DCC: variants seen among roughly 807,000 people sequenced by gnomAD.
DCC encodes the protein DCC netrin 1 receptor.
A neutral mutation model predicts 172.5 loss-of-function variants in DCC; 58 were observed. That is an observed-to-expected ratio of 0.34 (90% CI 0.27 to 0.42). DCC has a LOEUF of 0.42. Among genes scored for constraint, DCC ranks in the 10% least tolerant of loss-of-function variants. DCC has a pLI of 1.00. For synonymous variants in DCC, 709 were observed against 644.5 expected (o/e 1.10, Z -1.52); for missense variants, 1,740 against 1,791.0 (o/e 0.97, Z 0.51).
chr18:52,486,122 G>C (rs930574133), intron 1 of DCC, among the ~76,000 whole-genome samples: 4 of 152,094 alleles, frequency 2.6e-5, no homozygotes, highest in African/African-American at 9.7e-5. Context: ...AGCCTCCTGA[G>C]TAGCGATATT....
At chr18:53,367,364 A>T (rs2058018153) in intron 15 of DCC, among the ~76,000 whole-genome samples, 1 of 152,122 alleles carries the variant, frequency 6.6e-6, no homozygotes, top group South Asian at 2.1e-4. Flanking sequence ...TCTCCTTAGG[A>T]TTTGAGTTCT....
chr18:53,173,610 A>G (rs1233777693), intron 8 of DCC, among the ~76,000 whole-genome samples: 1 of 152,176 alleles, frequency 6.6e-6, no homozygotes, highest in Non-Finnish European at 1.5e-5. Context: ...AAAGGCATCA[A>G]TTCAACAAGA....
At chr18:53,280,454 T>C (rs531815319) in intron 12 of DCC, among the ~76,000 whole-genome samples, 1 of 152,250 alleles carries the variant, frequency 6.6e-6, no homozygotes, top group South Asian at 2.1e-4. Flanking sequence ...TTGTTCCTAA[T>C]CTCAAAATTT....
intron 7 of DCC, among the ~76,000 whole-genome samples, chr18:53,090,617 C>T (rs2144176774): frequency 7.1e-6 from 1 of 141,660 alleles, no homozygotes; most frequent in South Asian, 2.3e-4. Context: ...TGGCATGAAC[C>T]CGGGAGGCAG....
intron 13 of DCC, among the ~76,000 whole-genome samples, chr18:53,309,130 G>A (rs776644087): frequency 8.6e-5 from 13 of 151,952 alleles, no homozygotes; most frequent in African/African-American, 1.9e-4. Flanking sequence ...CTTGACCTTC[G>A]GGACTCAAGT....
intron 12 of DCC, among the ~76,000 whole-genome samples, chr18:53,260,642 CG>C (rs1568397607): frequency 6.6e-6 from 1 of 152,086 alleles, no homozygotes; most frequent in East Asian, 1.9e-4. Flanking sequence ...TTAGGCTACT[CG>C]GGGGTCAGGG....
At chr18:52,539,893 A>G (rs548824254) in intron 1 of DCC, among the ~76,000 whole-genome samples, 1 of 152,316 alleles carries the variant, frequency 6.6e-6, no homozygotes, top group South Asian at 2.1e-4. Flanking sequence ...TTAAAAATAA[A>G]CAACAACAAC....
chr18:52,566,411 T>C (rs2033162076), intron 1 of DCC, among the ~76,000 whole-genome samples: 2 of 151,980 alleles, frequency 1.3e-5, no homozygotes, highest in Admixed American at 1.3e-4. Context: ...GAGAAATACC[T>C]AATGTAGATG....
intron 7 of DCC, among the ~76,000 whole-genome samples, chr18:53,137,428 A>G (rs2043761000): frequency 6.6e-6 from 1 of 152,210 alleles, no homozygotes; most frequent in Non-Finnish European, 1.5e-5. Flanking sequence ...TAGCCTCTCC[A>G]TAGGAAGCTC....
chr18:53,441,901 C>T (rs1912299529), intron 22 of DCC, among the ~76,000 whole-genome samples: 1 of 152,172 alleles, frequency 6.6e-6, no homozygotes, highest in Non-Finnish European at 1.5e-5. Flanking sequence ...CTCAGTAAAA[C>T]TGGGTCCTCT....
At chr18:52,904,303 G>A (rs7237293) in intron 2 of DCC, among the ~76,000 whole-genome samples, 59,543 of 152,002 alleles carry the variant, frequency 0.39, 12,268 homozygotes, top group Non-Finnish European at 0.47. Flanking sequence ...ATATCCTTCA[G>A]CAGCTTGTAC....
intron 1 of DCC, among the ~76,000 whole-genome samples, chr18:52,711,376 C>T (rs1279222233): frequency 1.3e-5 from 2 of 152,148 alleles, no homozygotes; most frequent in Non-Finnish European, 2.9e-5. Context: ...TACAGGCATC[C>T]ACCACCAACC....
intron 2 of DCC, among the ~76,000 whole-genome samples, chr18:52,787,270 A>G (rs1024072527): frequency 2.6e-5 from 4 of 152,120 alleles, no homozygotes; most frequent in South Asian, 2.1e-4. Context: ...CTCTATTCCA[A>G]TGTTACAATC....
At chr18:52,387,820 C>T (rs1985873413) in intron 1 of DCC, among the ~76,000 whole-genome samples, 1 of 152,072 alleles carries the variant, frequency 6.6e-6, no homozygotes, top group Non-Finnish European at 1.5e-5. Context: ...TCCAAAAGAA[C>T]TCTTTTTCTC....
At chr18:52,724,957 G>A (rs1207849477) in intron 1 of DCC, among the ~76,000 whole-genome samples, 3 of 152,280 alleles carry the variant, frequency 2.0e-5, no homozygotes, top group African/African-American at 7.2e-5. Flanking sequence ...ACTTCAGCTT[G>A]ATGGCCACAT....
chr18:52,988,745 G>T (rs1425840587), intron 5 of DCC, among the ~76,000 whole-genome samples: 1 of 151,920 alleles, frequency 6.6e-6, no homozygotes, highest in Non-Finnish European at 1.5e-5. Flanking sequence ...GATGAAATTT[G>T]CTGTAACCTT....
chr18:52,963,144 C>T (rs1248464065), intron 5 of DCC, among the ~76,000 whole-genome samples: 1 of 151,352 alleles, frequency 6.6e-6, no homozygotes, highest in African/African-American at 2.4e-5. Flanking sequence ...ATTAAGACTC[C>T]AGTAAAAATT....
intron 25 of DCC, among the ~76,000 whole-genome samples, chr18:53,482,452 A>C (rs1016104600): frequency 5.3e-5 from 8 of 152,136 alleles, no homozygotes; most frequent in Non-Finnish European, 1.0e-4. Context: ...TTGGAACTGC[A>C]GTGTAAGTTC....
chr18:52,817,442 A>C (rs1314911375), intron 2 of DCC, among the ~76,000 whole-genome samples: 2 of 152,140 alleles, frequency 1.3e-5, no homozygotes, highest in Non-Finnish European at 1.5e-5. Flanking sequence ...GTTAATTATA[A>C]AATTATAAAT....
Sources: allele counts gnomAD v4.1 joint callset (sites outside exome capture counted in the v4.1 genomes callset), GRCh38; gene constraint gnomAD v4.1.1; transcripts MANE v1.5; gene names NCBI Gene and HGNC (gene_info 2026-07-23, HGNC 2026-07-21).